The following ADARB2 variants were observed in gnomAD, a reference collection of about 807,000 sequenced individuals.
The protein encoded by ADARB2 is inactive double-stranded RNA-specific editase B2.
ADARB2 carries 25 observed loss-of-function variants against 62.2 expected under a neutral mutation model. That is an observed-to-expected ratio of 0.40 (90% CI 0.29 to 0.56). The LOEUF (loss-of-function observed/expected upper bound fraction) is 0.56. Ranked by LOEUF, ADARB2 falls within the 20% of genes least tolerant of loss-of-function variation. The pLI is 0.43. For missense variants in ADARB2, 1,071 were observed against 1,077.4 expected (o/e 0.99, Z 0.08); for synonymous variants, 572 against 500.8 (o/e 1.14, Z -1.90).
rs146170170 is a variant in ADARB2, at chr10:1,579,241, T to C, written c.100+157810A>G. 9.8e-4 allele frequency among the ~76,000 whole-genome samples: 150 copies of C among 152,336 alleles called. 6 individuals are homozygous for C. In the East Asian group the frequency reaches 0.017, roughly 17 times the overall value. On this transcript the variant is annotated intron_variant, in intron 1 of 9. Transcript: ENST00000381312. ...TCGAGGGCAAATACACTGTTTCCCA[T>C]GAGGCTTAGAGCCCTGGCAAAACCA...
At chr10:1,194,012 C>G (rs1303825334) in intron 8 of ADARB2, among the ~76,000 whole-genome samples, 1 of 152,178 alleles carries the variant, frequency 6.6e-6, no homozygotes, top group African/African-American at 2.4e-5. Context: ...TTAAATATCT[C>G]TCCTGTTCCA....
At chr10:1,223,592 G>A (rs1035420576) in intron 6 of ADARB2, among the ~76,000 whole-genome samples, 4 of 152,086 alleles carry the variant, frequency 2.6e-5, no homozygotes, top group African/African-American at 7.2e-5. Context: ...TTTCAGATAC[G>A]TCCCATCAAT....
chr10:1,714,543 T>G (rs1428340905), intron 1 of ADARB2, among the ~76,000 whole-genome samples: 2 of 152,258 alleles, frequency 1.3e-5, no homozygotes, highest in Non-Finnish European at 2.9e-5. Context: ...CTTCTCTGTA[T>G]TCAGCCTGAA....
intron 1 of ADARB2, among the ~76,000 whole-genome samples, chr10:1,604,841 T>A (rs1833474907): frequency 6.6e-6 from 1 of 152,136 alleles, no homozygotes; most frequent in Non-Finnish European, 1.5e-5. Context: ...CGTGGTAAGT[T>A]TGGTGAGGAC....
chr10:1,550,764 C>A (rs1832608719), intron 1 of ADARB2, among the ~76,000 whole-genome samples: 1 of 151,812 alleles, frequency 6.6e-6, no homozygotes, highest in Non-Finnish European at 1.5e-5. Context: ...AAAGCCACAA[C>A]CCCGAGTGCT....
intron 6 of ADARB2, among the ~76,000 whole-genome samples, chr10:1,224,903 G>A (rs1252052668): frequency 6.6e-6 from 1 of 152,204 alleles, no homozygotes; most frequent in Admixed American, 6.5e-5. Flanking sequence ...TTGATTTGGG[G>A]TGGAGAGTTC....
rs1302429794 is a variant in ADARB2 at position 1,183,127 on chromosome 10, C to A, written c.*66G>T. 1.3e-6 allele frequency: 2 copies of A among 1,549,196 alleles called. No homozygotes were observed. The highest frequency in any genetic ancestry group is 1.8e-6 in the Non-Finnish European group (2 of 1,142,758). On this transcript the variant is annotated 3_prime_UTR_variant, in exon 10 of 10. Coordinates refer to ENST00000381312, the MANE Select transcript of ADARB2 (RefSeq NM_018702.4). ...CAGGGAACCGGCCGACCCGCCACGT[C>A]GCCCCCCAGACACGGTCCCATCCCT...
At chr10:1,274,990 G>A (rs548362889) in intron 3 of ADARB2, among the ~76,000 whole-genome samples, 2 of 152,320 alleles carry the variant, frequency 1.3e-5, no homozygotes, top group Admixed American at 6.5e-5. Context: ...TTGGAGGGGG[G>A]CCCGTGGTGG....
chr10:1,590,335 A>C (rs765415773), intron 1 of ADARB2, among the ~76,000 whole-genome samples: 1 of 152,250 alleles, frequency 6.6e-6, no homozygotes, highest in African/African-American at 2.4e-5. Flanking sequence ...AATCAGGCTC[A>C]AGATAATAGC....
chr10:1,561,261 A>G (rs1447852131), intron 1 of ADARB2, among the ~76,000 whole-genome samples: 1 of 152,140 alleles, frequency 6.6e-6, no homozygotes, highest in African/African-American at 2.4e-5. Context: ...TGAGTGTGTA[A>G]TTGGCACGTG....
At chr10:1,451,744 C>G (rs1168079582) in intron 1 of ADARB2, among the ~76,000 whole-genome samples, 1 of 152,122 alleles carries the variant, frequency 6.6e-6, no homozygotes, top group East Asian at 1.9e-4. Flanking sequence ...AGGAAGTATA[C>G]CCGTATGAGG....
At chr10:1,209,401 T>C (rs927707901) in intron 7 of ADARB2, among the ~76,000 whole-genome samples, 623 of 25,348 alleles carry the variant, frequency 0.025, 58 homozygotes, top group African/African-American at 0.085. Flanking sequence ...ACACCCACAC[T>C]ATCACCTACA....
In ADARB2 at chr10:1,242,186, C is replaced by T. The variant is rs201639089; in HGVS notation, c.1306G>A (p.Val436Met). 69 of 1,610,426 alleles carry T rather than the reference C, an allele frequency of 4.3e-5. No homozygotes were observed. The highest frequency in any genetic ancestry group is 1.7e-4 in the Admixed American group (10 of 59,838). ...LVVNDCHAEV[V>M]ARRAFLHFLY... ...AAGTGCAGGAACGCCCGCCGGGCCA[C>T]GACCTCCGCGTGGCAGTCATTCACC... The change falls in exon 5 of 10, where the codon GTG becomes ATG. Residue 436 changes from valine to methionine, a missense_variant. Val to Met is a conservative substitution (Grantham distance 21, BLOSUM62 1). Coordinates refer to ENST00000381312, the MANE Select transcript of ADARB2 (RefSeq NM_018702.4).
At chr10:1,268,909 T>C (rs1014614077) in intron 4 of ADARB2, among the ~76,000 whole-genome samples, 2 of 152,190 alleles carry the variant, frequency 1.3e-5, no homozygotes, top group African/African-American at 4.8e-5. Flanking sequence ...CTCTAAAACA[T>C]TACTATTTTC....
At chr10:1,270,851 G>T in intron 4 of ADARB2, 104 bp downstream of exon 4, 1 of 954,402 alleles carries the variant, frequency 1.0e-6, no homozygotes, top group Non-Finnish European at 1.6e-6. Flanking sequence ...CTTTGTCACA[G>T]CCTGTTGTGG....
At position 1,468,823 on chromosome 10, in the gene ADARB2, AACCTCC is replaced by A. The variant is rs530969737; in HGVS notation, c.101-89669_101-89664del. On this transcript the variant is annotated intron_variant, in intron 1 of 9. Transcript: ENST00000381312. ...GGTGTGGAGGTGATGGTGAGTGGCA[AACCTCC>A]GTGCCCAAGTGGGACACAGCTTGTA... Among the ~76,000 whole-genome samples the A allele has an allele frequency of 1.2e-4, 18 of 152,336 alleles. No individual in the cohort carries two copies. In the South Asian group the frequency reaches 3.7e-3, roughly 32 times the overall value.
chr10:1,387,176 C>CA (rs1832532272), intron 1 of ADARB2, among the ~76,000 whole-genome samples: 1 of 151,730 alleles, frequency 6.6e-6, no homozygotes, highest in South Asian at 2.1e-4. Flanking sequence ...AAGAAACGTC[C>CA]AACATTATCT....
intron 1 of ADARB2, among the ~76,000 whole-genome samples, chr10:1,579,688 T>C (rs1488165769): frequency 6.6e-6 from 1 of 152,230 alleles, no homozygotes; most frequent in African/African-American, 2.4e-5. Context: ...TTAAATATGC[T>C]AGTTTATCAT....
chr10:1,242,768 G>C (rs922064892), intron 4 of ADARB2, among the ~76,000 whole-genome samples: 2 of 138,468 alleles, frequency 1.4e-5, no homozygotes, highest in African/African-American at 2.6e-5. Context: ...CCCTAACACA[G>C]AAACACAGGA....
Sources: gnomAD v4.1 joint callset for allele counts (sites outside exome capture counted in the v4.1 genomes callset) on GRCh38, gnomAD v4.1.1 for gene constraint, MANE v1.5 for transcripts, NCBI Gene and HGNC (gene_info 2026-07-23, HGNC 2026-07-21) for gene names.